The following SYN2 variants were observed in gnomAD, a reference collection of about 807,000 sequenced individuals.
The protein encoded by SYN2 is synapsin II.
SYN2 carries 19 observed loss-of-function variants against 50.9 expected under a neutral mutation model. The observed-to-expected ratio is 0.37, with a 90% CI of 0.26 to 0.55. SYN2 has a LOEUF of 0.55. Among genes scored for constraint, SYN2 ranks in the 20% least tolerant of loss-of-function variants. The pLI is 0.81. For missense variants in SYN2, 587 were observed against 576.4 expected (o/e 1.02, Z -0.19); for synonymous variants, 255 against 224.9 (o/e 1.13, Z -1.20).
Position 12,145,729 on chromosome 3 carries a change from C to G in SYN2, c.578C>G (p.Ala193Gly). 1 of 1,613,960 alleles carries G rather than the reference C, an allele frequency of 6.2e-7. No homozygotes were observed. The highest frequency in any genetic ancestry group is 8.5e-7 in the Non-Finnish European group (1 of 1,179,882). The stretch of plus-strand genomic sequence containing the variant: ...ATCCGGCAGCATGCATTTGGCATGG[C>G]GGAGAATGAGGACTTCCGCCACCTG... ...VLIRQHAFGM[A>G]ENEDFRHLII... The change falls in exon 4 of 13, where the codon GCG becomes GGG. Residue 193 changes from alanine (A) to glycine (G), a missense_variant. Coordinates refer to ENST00000621198, the MANE Select transcript of SYN2 (RefSeq NM_133625.6).
chr3:12,021,943 A>C (rs764808964), intron 1 of SYN2, among the ~76,000 whole-genome samples: 5 of 152,058 alleles, frequency 3.3e-5, no homozygotes, highest in African/African-American at 4.8e-5. Context: ...GGTGGTGTGC[A>C]CCTGTAATCT....
intron 4 of SYN2, among the ~76,000 whole-genome samples, chr3:12,146,831 G>A (rs947165351): frequency 6.6e-6 from 1 of 152,142 alleles, no homozygotes; most frequent in Non-Finnish European, 1.5e-5. Flanking sequence ...TCCTCTGCTG[G>A]CTCTGCTACT....
chr3:12,077,828 A>G (rs1476356920), intron 1 of SYN2, among the ~76,000 whole-genome samples: 1 of 152,160 alleles, frequency 6.6e-6, no homozygotes, highest in Non-Finnish European at 1.5e-5. Context: ...TCCTTTGGGT[A>G]TATACCCAGT....
intron 1 of SYN2, among the ~76,000 whole-genome samples, chr3:12,071,954 A>G (rs1401629009): frequency 1.3e-5 from 2 of 152,166 alleles, no homozygotes; most frequent in Non-Finnish European, 2.9e-5. Context: ...CTTTTAATTT[A>G]TGTAAGGTTT....
intron 1 of SYN2, among the ~76,000 whole-genome samples, chr3:12,069,613 A>G (rs911389655): frequency 6.6e-6 from 1 of 151,970 alleles, no homozygotes; most frequent in African/African-American, 2.4e-5. Flanking sequence ...TGCTATGATA[A>G]TTCTCTTTAA....
At chr3:12,113,409 C>T (rs970527854) in intron 1 of SYN2, among the ~76,000 whole-genome samples, 15 of 152,072 alleles carry the variant, frequency 9.9e-5, no homozygotes, top group African/African-American at 2.7e-4. Flanking sequence ...AGTTATGCTT[C>T]GAGAAAATTA....
intron 1 of SYN2, among the ~76,000 whole-genome samples, chr3:12,025,568 A>G (rs1048962583): frequency 1.3e-5 from 2 of 152,224 alleles, no homozygotes; most frequent in Non-Finnish European, 2.9e-5. Flanking sequence ...ATTGCCATCC[A>G]GAATCCAGCC....
chr3:12,078,846 C>T (rs1695526989), intron 1 of SYN2, among the ~76,000 whole-genome samples: 1 of 152,164 alleles, frequency 6.6e-6, no homozygotes, highest in African/African-American at 2.4e-5. Flanking sequence ...TGAAGAATGT[C>T]AACGGTAGTT....
At chr3:12,154,535 T>C (rs755203716) in intron 5 of SYN2, 12 of 1,519,358 alleles carry the variant, frequency 7.9e-6, no homozygotes, top group Non-Finnish European at 9.8e-6. Flanking sequence ...AAGCCCAGAA[T>C]TGCAGCCTCC....
intron 10 of SYN2, among the ~76,000 whole-genome samples, chr3:12,175,865 A>C (rs1698054270): frequency 6.6e-6 from 1 of 152,238 alleles, no homozygotes; most frequent in African/African-American, 2.4e-5. Context: ...AGCACTGGCC[A>C]TGTCACCAAG....
At chr3:12,109,548 T>C (rs903540024) in intron 1 of SYN2, among the ~76,000 whole-genome samples, 1 of 152,240 alleles carries the variant, frequency 6.6e-6, no homozygotes, top group Non-Finnish European at 1.5e-5. Context: ...AGGGAATATG[T>C]GAACAGCCTG....
At chr3:12,084,077 C>G (rs1695639152) in intron 1 of SYN2, among the ~76,000 whole-genome samples, 1 of 152,174 alleles carries the variant, frequency 6.6e-6, no homozygotes, top group South Asian at 2.1e-4. Context: ...AATTAAAACT[C>G]TTCATTGATC....
At position 12,187,452 on chromosome 3, in the gene SYN2, CCTTCCTCCT is replaced by C. The variant is rs753095112; in HGVS notation, c.1467_1475del (p.Ser494_Ser496del). On this transcript the variant is annotated inframe_deletion, in exon 12 of 13. Coordinates refer to ENST00000621198, the MANE Select transcript of SYN2 (RefSeq NM_133625.6). ...GCTCCCCCCTGGACCATCACTGCCA[CCTTCCTCCT>C]CTTCCTCCTCTTCTTCCTCCTCCTC... 3.2e-4 allele frequency: 496 copies of C among 1,553,352 alleles called. No homozygotes were observed. Among genetic ancestry groups the C allele is most frequent in the Non-Finnish European group, 4.1e-4 (468 of 1,147,710 alleles).
At chr3:12,042,568 G>C (rs570059350) in intron 1 of SYN2, among the ~76,000 whole-genome samples, 1 of 152,294 alleles carries the variant, frequency 6.6e-6, no homozygotes, top group South Asian at 2.1e-4. Flanking sequence ...TGTTTCAGCT[G>C]CAAGTGGATC....
intron 10 of SYN2, among the ~76,000 whole-genome samples, chr3:12,174,769 C>T (rs756441502): frequency 1.3e-5 from 2 of 152,180 alleles, no homozygotes; most frequent in Admixed American, 6.5e-5. Context: ...CATGAGCCAC[C>T]GCGCCCAGCC....
intron 11 of SYN2, among the ~76,000 whole-genome samples, chr3:12,186,303 C>G (rs1698341165): frequency 6.6e-6 from 1 of 152,110 alleles, no homozygotes; most frequent in Non-Finnish European, 1.5e-5. Context: ...ATGGGGATGG[C>G]TTTTGATTTC....
At chr3:12,055,183 G>A (rs1694959979) in intron 1 of SYN2, among the ~76,000 whole-genome samples, 1 of 151,990 alleles carries the variant, frequency 6.6e-6, no homozygotes, top group African/African-American at 2.4e-5. Flanking sequence ...GATATAGAAT[G>A]ATCTTTGACT....
intron 11 of SYN2, among the ~76,000 whole-genome samples, chr3:12,186,211 G>C (rs572838655): frequency 6.6e-6 from 1 of 152,264 alleles, no homozygotes; most frequent in East Asian, 1.9e-4. Flanking sequence ...GCAGGCCCGT[G>C]GATGTGGACT....
At chr3:12,021,985 C>G (rs1574891279) in intron 1 of SYN2, among the ~76,000 whole-genome samples, 1 of 151,914 alleles carries the variant, frequency 6.6e-6, no homozygotes, top group Non-Finnish European at 1.5e-5. Context: ...CACAAGAATC[C>G]CTTGAGCCCA....
Sources: allele counts gnomAD v4.1 joint callset (sites outside exome capture counted in the v4.1 genomes callset), GRCh38; gene constraint gnomAD v4.1.1; transcripts MANE v1.5; gene names NCBI Gene and HGNC (gene_info 2026-07-23, HGNC 2026-07-21).